Variants in KHK observed in about 807,000 individuals in gnomAD.
KHK encodes fructokinase.
Under a neutral mutation model 36.0 loss-of-function variants are expected in KHK, and 37 were observed. The observed-to-expected ratio is 1.03, with a 90% CI of 0.79 to 1.35. The LOEUF is 1.35. Ranked by LOEUF, KHK falls within the 40% of genes most tolerant of loss-of-function variation. KHK has a pLI of 0.00. For missense variants in KHK, 395 were observed against 391.9 expected (o/e 1.01, Z -0.07); for synonymous variants, 161 against 162.8 (o/e 0.99, Z 0.08).
intron 5 of KHK, among the ~76,000 whole-genome samples, chr2:27,098,139 C>T (rs1224633200): frequency 6.6e-6 from 1 of 152,054 alleles, no homozygotes; most frequent in Admixed American, 6.6e-5. Context: ...GGAAGTAATC[C>T]CAGCATCATA....
intron 5 of KHK, 25 bp from the exon 6 acceptor site, chr2:27,099,171 C>T: frequency 6.2e-7 from 1 of 1,611,190 alleles, no homozygotes; most frequent in Non-Finnish European, 8.5e-7. Context: ...GAAGTGACCA[C>T]CAGCTTCTCT....
Position 27,097,729 on chromosome 2 carries a change from C to T in KHK, c.564+80C>T, listed in dbSNP as rs1361150670. ...GGGAGCCAGAATCCTTTTATCCTGC[C>T]TACCACAATTGGAATAGTGGTTCCT... On this transcript the variant is annotated intron_variant, in intron 5 of 7. Coordinates refer to ENST00000260598, the MANE Select transcript of KHK (RefSeq NM_006488.3). The T allele has an allele frequency of 2.5e-6, 4 of 1,582,822 alleles. No homozygotes were observed. In the East Asian group the frequency reaches 6.7e-5, roughly 27 times the overall value.
At position 27,092,596 on chromosome 2, in the gene KHK, G is replaced by A. The variant is rs149671001; in HGVS notation, c.209+148G>A. On this transcript the variant is annotated intron_variant, in intron 2 of 7. Transcript: ENST00000260598. Reference sequence around the variant, plus strand: ...GAGGGGGCATGGCGGAGCACCAGACGCCCAGCCCTGCCTTGGCGTGGCCTC... The same window carrying A: ...GAGGGGGCATGGCGGAGCACCAGACACCCAGCCCTGCCTTGGCGTGGCCTC... 6.9e-3 allele frequency: 4,656 copies of A among 678,166 alleles called. 26 individuals are homozygous for A. Among genetic ancestry groups the A allele is most frequent in the Non-Finnish European group, 9.0e-3 (3,401 of 377,326 alleles). The allele number at this position is 678,166 out of a possible 1,614,324, so 42.0% of individuals were successfully genotyped here. A position where few individuals can be genotyped will look rare whatever the true frequency, so the allele number is the denominator to read the frequency against.
In KHK at chr2:27,094,812, C is replaced by G. The variant is rs201170990; in HGVS notation, c.222C>G (p.Ala74=). The G allele has an allele frequency of 1.9e-6, 3 of 1,614,016 alleles. No individual in the cohort carries two copies. The highest frequency in any genetic ancestry group is 1.7e-6 in the Non-Finnish European group (2 of 1,180,034). Residue 74 remains alanine (A), a synonymous_variant, in exon 3 of 8, where the codon GCC becomes GCG. Transcript: ENST00000260598. ...APGHVADFLV[A]DFRRRGVDVS... is the part of the protein sequence containing the mutation. Reference sequence around the variant, plus strand: ...CCTCCACCCTAAGCTTCCTGGTGGCCGACTTCAGGCGGCGGGGCGTGGACG... The same window carrying G: ...CCTCCACCCTAAGCTTCCTGGTGGCGGACTTCAGGCGGCGGGGCGTGGACG...
chr2:27,087,321 A>G lies in KHK; in HGVS notation c.62A>G (p.Asp21Gly). ...LVVLDVISLV[D>G]KYPKEDSEIR... The stretch of plus-strand genomic sequence containing the variant: ...GTGCTGGACGTCATCAGCCTGGTGG[A>G]CAAGTACCCTAAGGAGGACTCGGAG... The change falls in exon 1 of 8, where the codon GAC becomes GGC. Residue 21 changes from aspartate (D) to glycine (G), a missense_variant. Physicochemically the swap from Asp to Gly is moderately conservative, Grantham distance 94. Transcript: ENST00000260598. 1.9e-6 allele frequency: 3 copies of G among 1,599,946 alleles called. No individual in the cohort carries two copies. Among genetic ancestry groups the G allele is most frequent in the Non-Finnish European group, 1.7e-6 (2 of 1,172,846 alleles).
At chr2:27,090,018 A>G (rs1188475119) in intron 1 of KHK, among the ~76,000 whole-genome samples, 1 of 151,674 alleles carries the variant, frequency 6.6e-6, no homozygotes, top group African/African-American at 2.4e-5. Context: ...ACACCCAACT[A>G]ATTTTGTACT....
intron 2 of KHK, among the ~76,000 whole-genome samples, chr2:27,092,921 C>A (rs1670102345): frequency 6.6e-6 from 1 of 152,106 alleles, no homozygotes; most frequent in Non-Finnish European, 1.5e-5. Flanking sequence ...GTGAGAGTAC[C>A]CTGTTCAAGG....
In KHK at chr2:27,100,633, T is replaced by C; in HGVS notation, c.*883T>C. ...CCATTTAATTAGCTGCATATCACCT[T>C]AGGGTACAGCACTTAACGCAATCTG... On this transcript the variant is annotated 3_prime_UTR_variant, in exon 8 of 8. Coordinates refer to ENST00000260598, the MANE Select transcript of KHK (RefSeq NM_006488.3). The C allele has an allele frequency of 8.8e-7, 1 of 1,141,954 alleles. No homozygotes were observed. Among genetic ancestry groups the C allele is most frequent in the Admixed American group, 2.6e-5 (1 of 39,008 alleles). The allele number at this position is 1,141,954 out of a possible 1,614,324, so 70.7% of individuals were successfully genotyped here.
chr2:27,086,964 A>G lies in KHK; in HGVS notation c.-296A>G, dbSNP rs1669694672. ...ACAAGCGAGGAAACTAAGGCTGAGAAGTGGGAGGCGTTGCCATCTGCAGGC... is the reference window on the plus strand; with the variant it reads ...ACAAGCGAGGAAACTAAGGCTGAGAGGTGGGAGGCGTTGCCATCTGCAGGC... On this transcript the variant is annotated 5_prime_UTR_variant, in exon 1 of 8. Transcript: ENST00000260598. 1 of 357,156 alleles carries G rather than the reference A, an allele frequency of 2.8e-6. No homozygotes were observed. Among genetic ancestry groups the G allele is most frequent in the Non-Finnish European group, 5.2e-6 (1 of 193,008 alleles). 22.1% of individuals were successfully genotyped at this position (357,156 alleles called of 1,614,324 possible).
chr2:27,097,561 G>C lies in KHK; in HGVS notation c.476G>C (p.Arg159Thr). ...CAGCGGATAGACGCACACAACACCA[G>C]GCAGCCTCCAGAGCAGAAGATCCGG... ...MLQRIDAHNT[R>T]QPPEQKIRVS... Residue 159 changes from arginine to threonine, a missense_variant, in exon 5 of 8, where the codon AGG becomes ACG. By Grantham distance (71) the Arg-to-Thr change is moderately conservative. Coordinates refer to ENST00000260598, the MANE Select transcript of KHK (RefSeq NM_006488.3). 1 of 1,614,036 alleles carries C rather than the reference G, an allele frequency of 6.2e-7. No individual in the cohort carries two copies. The highest frequency in any genetic ancestry group is 8.5e-7 in the Non-Finnish European group (1 of 1,180,048).
In KHK at chr2:27,099,194, AG is replaced by A; in HGVS notation, c.565del. The A allele has an allele frequency of 6.2e-7, 1 of 1,614,136 alleles. No individual in the cohort carries two copies. On this transcript the variant is annotated splice_acceptor_variant, in intron 5 of 7. Transcript: ENST00000260598. LOFTEE classifies it high-confidence loss of function. Reference sequence around the variant, plus strand: ...CACCAGCTTCTCTTCCACTGCCCACAGGTGTTTGTCAGCAAAGATGTGGCCA... The same window carrying A: ...CACCAGCTTCTCTTCCACTGCCCACAGTGTTTGTCAGCAAAGATGTGGCCA...
chr2:27,088,797 G>A (rs1669818110), intron 1 of KHK, among the ~76,000 whole-genome samples: 1 of 152,160 alleles, frequency 6.6e-6, no homozygotes, highest in South Asian at 2.1e-4. Flanking sequence ...TTTCTGTGGG[G>A]CGGGACACTA....
At position 27,100,501 on chromosome 2, in the gene KHK, A is replaced by G. The variant is rs992176466; in HGVS notation, c.*751A>G. 12 of 1,290,860 alleles carry G rather than the reference A, an allele frequency of 9.3e-6. No homozygotes were observed. Among genetic ancestry groups the G allele is most frequent in the Non-Finnish European group, 2.0e-6 (2 of 988,854 alleles). 80.0% of individuals were successfully genotyped at this position (1,290,860 alleles called of 1,614,324 possible). A position where few individuals can be genotyped will look rare whatever the true frequency, so the allele number is the denominator to read the frequency against. Reference sequence around the variant, plus strand: ...CTCAGGGAGGTCCGATCTGGAACACATATTGGAATTGGGGCCAACTCCAAT... The same window carrying G: ...CTCAGGGAGGTCCGATCTGGAACACGTATTGGAATTGGGGCCAACTCCAAT... On this transcript the variant is annotated 3_prime_UTR_variant, in exon 8 of 8. Coordinates refer to ENST00000260598, the MANE Select transcript of KHK (RefSeq NM_006488.3).
intron 3 of KHK, among the ~76,000 whole-genome samples, chr2:27,096,506 CGA>C (rs1670361097): frequency 6.6e-6 from 1 of 152,132 alleles, no homozygotes; most frequent in Non-Finnish European, 1.5e-5. Context: ...TTCAGTTTAC[CGA>C]GATAATTTAA....
At position 27,099,298 on chromosome 2, in the gene KHK, G is replaced by A. The variant is rs1558452699; in HGVS notation, c.653+14G>A. The A allele has an allele frequency of 2.5e-6, 4 of 1,613,998 alleles. No individual in the cohort carries two copies. The highest frequency in any genetic ancestry group is 1.6e-4 in the Middle Eastern group (1 of 6,062). On this transcript the variant is annotated intron_variant, in intron 6 of 7. Coordinates refer to ENST00000260598, the MANE Select transcript of KHK (RefSeq NM_006488.3). Reference sequence around the variant, plus strand: ...TGTGAGGAAAGGGTGAGCCGGGGAAGCCAGGAAGGGGCTTTAGAAGGTACA... The same window carrying A: ...TGTGAGGAAAGGGTGAGCCGGGGAAACCAGGAAGGGGCTTTAGAAGGTACA...
chr2:27,098,841 A>G (rs1263042194), intron 5 of KHK: 1 of 262,942 alleles, frequency 3.8e-6, no homozygotes, highest in African/African-American at 2.2e-5. Flanking sequence ...CAGAGAACAA[A>G]CGGACCAGGC....
chr2:27,094,724 T>C, intron 2 of KHK, 76 bp from the exon 3 acceptor site: 1 of 1,613,098 alleles, frequency 6.2e-7, no homozygotes, highest in South Asian at 1.1e-5. Flanking sequence ...TCCCCACTCC[T>C]TTTGGAGGTC....
intron 5 of KHK, among the ~76,000 whole-genome samples, 200 bp downstream of exon 5, chr2:27,097,849 G>T (rs1401255004): frequency 6.6e-6 from 1 of 152,214 alleles, no homozygotes; most frequent in Non-Finnish European, 1.5e-5. Flanking sequence ...AGTGAGCAAG[G>T]AGTAGAATGT....
Position 27,099,225 on chromosome 2 carries a change from C to CT in KHK, c.596dup (p.Leu199PhefsTer29). The CT allele has an allele frequency of 6.2e-7, 1 of 1,614,116 alleles. No individual in the cohort carries two copies. Among genetic ancestry groups the CT allele is most frequent in the Non-Finnish European group, 8.5e-7 (1 of 1,180,024 alleles). On this transcript the variant is annotated frameshift_variant, in exon 6 of 8. Transcript: ENST00000260598. LOFTEE classifies it high-confidence loss of function. ...TTGTCAGCAAAGATGTGGCCAAGCACTTGGGGTTCCAGTCAGCAGAGGAAG... is the reference window on the plus strand; with the variant it reads ...TTGTCAGCAAAGATGTGGCCAAGCACTTTGGGGTTCCAGTCAGCAGAGGAAG...
Sources: allele counts gnomAD v4.1 joint callset (sites outside exome capture counted in the v4.1 genomes callset), GRCh38; gene constraint gnomAD v4.1.1; transcripts MANE v1.5; gene names NCBI Gene and HGNC (gene_info 2026-07-23, HGNC 2026-07-21).